Variants in ANXA4 observed in about 807,000 individuals in gnomAD.
The protein encoded by ANXA4 is 35-beta calcimedin.
A neutral mutation model predicts 49.8 loss-of-function variants in ANXA4; 39 were observed. The observed-to-expected ratio is 0.78, with a 90% CI of 0.61 to 1.02. The LOEUF is 1.02. Ranked by LOEUF, ANXA4 falls within the 50% of genes least tolerant of loss-of-function variation. The pLI is 0.00. For missense variants in ANXA4, 360 were observed against 410.1 expected (o/e 0.88, Z 1.05); for synonymous variants, 134 against 152.5 (o/e 0.88, Z 0.89).
chr2:69,779,721 G>C (rs1672118576), intron 1 of ANXA4, among the ~76,000 whole-genome samples: 1 of 152,194 alleles, frequency 6.6e-6, no homozygotes, highest in Non-Finnish European at 1.5e-5. Context: ...GTATTCTGTA[G>C]CCAGACTCCT....
chr2:69,810,554 ACT>A, intron 6 of ANXA4, 38 bp from the exon 7 acceptor site: 1 of 1,555,974 alleles, frequency 6.4e-7, no homozygotes, highest in Non-Finnish European at 8.9e-7. Context: ...ATTGGGCAAG[ACT>A]CTTAATTCTG....
At chr2:69,808,955 C>A (rs954929226) in intron 6 of ANXA4, 1 of 152,148 alleles carries the variant, frequency 6.6e-6, no homozygotes, top group Admixed American at 6.5e-5. Flanking sequence ...AGCCACTACA[C>A]CTGGCCAAGA....
chr2:69,788,234 T>A, intron 3 of ANXA4, 93 bp downstream of exon 3: 1 of 1,170,534 alleles, frequency 8.5e-7, no homozygotes, highest in Admixed American at 1.8e-5. Context: ...ATCACGTGGG[T>A]CTTCCTTTAA....
intron 3 of ANXA4, among the ~76,000 whole-genome samples, chr2:69,733,330 C>A (rs892853174): frequency 2.0e-5 from 3 of 152,110 alleles, no homozygotes; most frequent in Non-Finnish European, 4.4e-5. Context: ...TTGGCTGGGC[C>A]TGGTGGCTCA....
intron 1 of ANXA4, among the ~76,000 whole-genome samples, chr2:69,746,441 G>GT (rs940330290): frequency 6.6e-6 from 1 of 152,066 alleles, no homozygotes; most frequent in Non-Finnish European, 1.5e-5. Flanking sequence ...CCAACTAAAG[G>GT]TTTTTTTGTT....
chr2:69,724,916 C>A (rs760658770), intron 3 of ANXA4, among the ~76,000 whole-genome samples: 5 of 152,214 alleles, frequency 3.3e-5, no homozygotes, highest in Non-Finnish European at 7.3e-5. Flanking sequence ...CCGTGTGGAA[C>A]GTTTAGCTGA....
At position 69,757,238 on chromosome 2, in the gene ANXA4, TTATA is replaced by T. The variant is rs869068494; in HGVS notation, c.-47+15089_-47+15092del. Among the ~76,000 whole-genome samples, 538 of 59,026 alleles carry T rather than the reference TTATA, an allele frequency of 9.1e-3. 17 individuals carry two copies. The highest frequency in any genetic ancestry group is 0.039 in the Middle Eastern group (3 of 76). The allele number at this position is 59,026 out of a possible 152,430, so 38.7% of individuals were successfully genotyped here. A position where few individuals can be genotyped will look rare whatever the true frequency, so the allele number is the denominator to read the frequency against. ...GCCACCGTGCCCAGCCATTTTTGTTTTATATATATATATATATATATATATATAT... is the reference window on the plus strand; with the variant it reads ...GCCACCGTGCCCAGCCATTTTTGTTTTATATATATATATATATATATATAT... On this transcript the variant is annotated intron_variant, in intron 1 of 12. Coordinates refer to ENST00000394295, the MANE Select transcript of ANXA4 (RefSeq NM_001153.5).
intron 2 of ANXA4, among the ~76,000 whole-genome samples, chr2:69,676,110 AATCAAG>A (rs1677405187): frequency 6.6e-6 from 1 of 151,980 alleles, no homozygotes; most frequent in Non-Finnish European, 1.5e-5. Flanking sequence ...TAAAAAACTA[AATCAAG>A]ATCATTAGAA....
At chr2:69,709,312 A>G (rs1017519340) in intron 2 of ANXA4, among the ~76,000 whole-genome samples, 1 of 152,208 alleles carries the variant, frequency 6.6e-6, no homozygotes, top group Non-Finnish European at 1.5e-5. Flanking sequence ...TACTTCGTCA[A>G]AGTCTGACCT....
chr2:69,752,378 G>T (rs1365667014), intron 1 of ANXA4, among the ~76,000 whole-genome samples: 1 of 152,208 alleles, frequency 6.6e-6, no homozygotes, highest in Non-Finnish European at 1.5e-5. Flanking sequence ...GCAAAGTTAT[G>T]TAATAAATGT....
Position 69,779,068 on chromosome 2 carries a change from G to A in ANXA4, c.-46-2452G>A, listed in dbSNP as rs192965872. The stretch of plus-strand genomic sequence containing the variant: ...GGTTGCAGTGAGCCAAGATTGCACC[G>A]CTGCACTCTAGCCTGGGCAACAGAG... On this transcript the variant is annotated intron_variant, in intron 1 of 12. Coordinates refer to ENST00000394295, the MANE Select transcript of ANXA4 (RefSeq NM_001153.5). Among the ~76,000 whole-genome samples, 241 of 127,530 alleles carry A rather than the reference G, an allele frequency of 1.9e-3. 1 individual carries two copies. In the East Asian group the frequency reaches 0.048, roughly 25 times the overall value. The allele number at this position is 127,530 out of a possible 152,430, so 83.7% of individuals were successfully genotyped here.
intron 2 of ANXA4, among the ~76,000 whole-genome samples, chr2:69,690,602 G>T (rs1308938847): frequency 6.6e-6 from 1 of 152,094 alleles, no homozygotes; most frequent in Non-Finnish European, 1.5e-5. Flanking sequence ...TTACCCCTGG[G>T]ATACCCTCTC....
At chr2:69,695,303 C>T (rs562447181) in intron 2 of ANXA4, among the ~76,000 whole-genome samples, 2 of 152,116 alleles carry the variant, frequency 1.3e-5, no homozygotes, top group Non-Finnish European at 2.9e-5. Context: ...GCATTGCAGA[C>T]GAGTATAACC....
intron 2 of ANXA4, among the ~76,000 whole-genome samples, chr2:69,656,240 CGTATATATATGTATATACGTATATATAT>C (rs1676444123): frequency 9.3e-6 from 1 of 107,302 alleles, no homozygotes; most frequent in Non-Finnish European, 1.8e-5. Flanking sequence ...TATATATATA[CGTATATATATGTATATACGTATATATAT>C]GTATATACGT....
chr2:69,761,700 C>T (rs887612235), intron 1 of ANXA4, among the ~76,000 whole-genome samples: 1 of 150,562 alleles, frequency 6.6e-6, no homozygotes, highest in Non-Finnish European at 1.5e-5. Context: ...GTGGTAGGAT[C>T]GCTTGAGCCC....
intron 3 of ANXA4, among the ~76,000 whole-genome samples, chr2:69,728,505 T>C (rs1180762067): frequency 6.6e-6 from 1 of 152,220 alleles, no homozygotes; most frequent in Non-Finnish European, 1.5e-5. Context: ...TAAAAATGTG[T>C]TTTCCTTTTC....
intron 12 of ANXA4, among the ~76,000 whole-genome samples, chr2:69,822,233 C>T (rs774282415): frequency 3.3e-5 from 5 of 151,788 alleles, no homozygotes; most frequent in South Asian, 2.1e-4. Context: ...TGGTGGTGCA[C>T]GCCTGTAGTC....
chr2:69,764,547 TCTTA>T (rs1671427233), intron 1 of ANXA4, among the ~76,000 whole-genome samples: 1 of 152,188 alleles, frequency 6.6e-6, no homozygotes, highest in Admixed American at 6.5e-5. Flanking sequence ...ACTGTGAGCC[TCTTA>T]CTTAGGTTGA....
chr2:69,716,294 G>T (rs1271313947), intron 2 of ANXA4, among the ~76,000 whole-genome samples: 1 of 152,064 alleles, frequency 6.6e-6, no homozygotes, highest in Non-Finnish European at 1.5e-5. Context: ...GTTTGTGTTG[G>T]GTTTCTGTCC....
Sources: gnomAD v4.1 joint callset for allele counts (sites outside exome capture counted in the v4.1 genomes callset) on GRCh38, gnomAD v4.1.1 for gene constraint, MANE v1.5 for transcripts, NCBI Gene and HGNC (gene_info 2026-07-23, HGNC 2026-07-21) for gene names.